Variants in ZMYM2 observed in about 807,000 individuals in gnomAD.
ZMYM2 encodes zinc finger MYM-type protein 2.
A neutral mutation model predicts 162.8 loss-of-function variants in ZMYM2; 56 were observed. The observed-to-expected ratio is 0.34, with a 90% CI of 0.28 to 0.43. The LOEUF (loss-of-function observed/expected upper bound fraction) is 0.43. Ranked by LOEUF, ZMYM2 falls within the 20% of genes least tolerant of loss-of-function variation. ZMYM2 has a pLI of 1.00. For synonymous variants in ZMYM2, 510 were observed against 541.6 expected, an observed-to-expected ratio of 0.94 and a Z score of 0.81; for missense variants, 1,275 against 1,621.8, an observed-to-expected ratio of 0.79 and a Z score of 3.67.
At chr13:19,962,015 C>G (rs1955273344) in intron 2 of ZMYM2, among the ~76,000 whole-genome samples, 2 of 152,154 alleles carry the variant, frequency 1.3e-5, no homozygotes, top group Admixed American at 6.5e-5. Flanking sequence ...CCCACCTATC[C>G]TTTTAAATTG....
At chr13:20,051,121 G>A (rs924970523) in intron 12 of ZMYM2, among the ~76,000 whole-genome samples, 3 of 151,830 alleles carry the variant, frequency 2.0e-5, no homozygotes. Context: ...ACATTATATG[G>A]CCCTCAAAAT....
chr13:19,927,377 C>T, the ZMYM2 span, among the ~76,000 whole-genome samples: 18 of 152,134 alleles, frequency 1.2e-4, no homozygotes, highest in Non-Finnish European at 2.5e-4. Context: ...CACACACACA[C>T]GTAGTTGATT....
Position 20,036,835 on chromosome 13 carries a change from A to G in ZMYM2, c.2218A>G (p.Lys740Glu). Residue 740 changes from lysine to glutamate, a missense_variant, in exon 12 of 25, where the codon AAA (lysine) becomes GAA (glutamate). Lys to Glu is a moderately conservative substitution (Grantham distance 56). Transcript: ENST00000610343. ...TCAGCTATGTAAGAAGGGAGCAACTAAAGAACTCGATGGTGTTGTGAGAGA... is the reference window on the plus strand; with the variant it reads ...TCAGCTATGTAAGAAGGGAGCAACTGAAGAACTCGATGGTGTTGTGAGAGA... ...CSQLCKKGAT[K>E]ELDGVVRDFC... The G allele has an allele frequency of 6.2e-7, 1 of 1,610,682 alleles. No homozygotes were observed. The highest frequency in any genetic ancestry group is 1.3e-5 in the African/African-American group (1 of 75,008).
chr13:20,024,465 T>C (rs933852524), intron 7 of ZMYM2: 15 of 216,654 alleles, frequency 6.9e-5, no homozygotes, highest in African/African-American at 3.2e-4. Context: ...AGTAAAAGAA[T>C]TCTTTGTAGG....
At chr13:20,048,959 A>G (rs555722761) in intron 12 of ZMYM2, among the ~76,000 whole-genome samples, 4 of 151,834 alleles carry the variant, frequency 2.6e-5, no homozygotes, top group East Asian at 3.9e-4. Context: ...CTTTTTTGCA[A>G]ATGGCTAGGG....
At chr13:19,927,746 T>C in the ZMYM2 span, among the ~76,000 whole-genome samples, 2 of 152,336 alleles carry the variant, frequency 1.3e-5, no homozygotes, top group East Asian at 3.9e-4. Context: ...TGGACTCATT[T>C]ATACTTCAGG....
intron 6 of ZMYM2, among the ~76,000 whole-genome samples, chr13:20,013,968 C>T (rs1208424009): frequency 1.3e-5 from 2 of 151,996 alleles, no homozygotes; most frequent in African/African-American, 2.4e-5. Flanking sequence ...CATCTTGTAT[C>T]TTCTGATTTT....
the ZMYM2 span, among the ~76,000 whole-genome samples, chr13:19,924,013 C>G: frequency 6.6e-6 from 1 of 152,022 alleles, no homozygotes; most frequent in African/African-American, 2.4e-5. Context: ...TCCCTGTGCC[C>G]GACCATGGGA....
the ZMYM2 span, among the ~76,000 whole-genome samples, chr13:19,903,660 A>C: frequency 6.6e-6 from 1 of 151,712 alleles, no homozygotes; most frequent in African/African-American, 2.4e-5. Flanking sequence ...ACTTGAGCTC[A>C]GGAGTTCAAG....
chr13:19,930,315 C>T, the ZMYM2 span, among the ~76,000 whole-genome samples: 25 of 152,040 alleles, frequency 1.6e-4, no homozygotes, highest in African/African-American at 3.4e-4. Flanking sequence ...GCATTAGAAT[C>T]GCTTGAACCC....
the ZMYM2 span, among the ~76,000 whole-genome samples, chr13:19,887,292 G>A: frequency 6.6e-6 from 1 of 151,764 alleles, no homozygotes. Context: ...ACTTTGGGAG[G>A]CGGAGGCGGG....
the ZMYM2 span, among the ~76,000 whole-genome samples, chr13:19,882,301 G>A: frequency 6.6e-6 from 1 of 152,122 alleles, no homozygotes; most frequent in Non-Finnish European, 1.5e-5. Flanking sequence ...TATCCAGAAT[G>A]TATAAAGAAC....
chr13:20,083,907 T>C (rs1958069787), intron 24 of ZMYM2, 131 bp downstream of exon 24: 2 of 887,340 alleles, frequency 2.3e-6, no homozygotes, highest in East Asian at 5.3e-5. Context: ...TATACCCAAG[T>C]TCATTCAGTT....
the ZMYM2 span, among the ~76,000 whole-genome samples, chr13:19,928,477 G>A: frequency 4.6e-5 from 7 of 152,032 alleles, no homozygotes; most frequent in South Asian, 2.1e-4. Context: ...TTTTTCTATC[G>A]TTATCATTCT....
At chr13:19,966,128 T>G (rs111377310) in intron 2 of ZMYM2, among the ~76,000 whole-genome samples, 9 of 135,516 alleles carry the variant, frequency 6.6e-5, no homozygotes, top group African/African-American at 2.4e-4. Context: ...TTTTTTTTGT[T>G]TTTGTTTTGT....
the ZMYM2 span, among the ~76,000 whole-genome samples, chr13:19,937,888 G>A: frequency 6.7e-6 from 1 of 149,542 alleles, no homozygotes; most frequent in Admixed American, 6.8e-5. Flanking sequence ...AACATGTGGT[G>A]TTTGGTTTTT....
chr13:20,003,689 A>G (rs915456942), intron 4 of ZMYM2, among the ~76,000 whole-genome samples: 7 of 149,670 alleles, frequency 4.7e-5, no homozygotes, highest in East Asian at 3.9e-4. Flanking sequence ...CTGGAGTGCA[A>G]TGGTGCGATC....
chr13:20,053,513 G>A (rs762360463), intron 14 of ZMYM2, among the ~76,000 whole-genome samples: 19 of 152,044 alleles, frequency 1.2e-4, no homozygotes, highest in African/African-American at 3.6e-4. Context: ...TTAGCCGGGC[G>A]TGGTGGTGGG....
chr13:20,051,683 G>T, intron 13 of ZMYM2, 85 bp downstream of exon 13: 1 of 1,332,416 alleles, frequency 7.5e-7, no homozygotes, highest in Non-Finnish European at 1.0e-6. Context: ...ATAATGAATA[G>T]TTGATTTTGG....
Sources: allele counts gnomAD v4.1 joint callset (sites outside exome capture counted in the v4.1 genomes callset), GRCh38; gene constraint gnomAD v4.1.1; transcripts MANE v1.5; gene names NCBI Gene and HGNC (gene_info 2026-07-23, HGNC 2026-07-21).